The following PIK3C2G variants were observed in gnomAD, a reference collection of about 807,000 sequenced individuals.
The protein encoded by PIK3C2G is phosphatidylinositol 3-kinase C2 domain-containing subunit gamma.
Under a neutral mutation model 181.1 loss-of-function variants are expected in PIK3C2G, and 168 were observed. The ratio of observed to expected loss-of-function variants is 0.93; its 90% CI spans 0.82 to 1.05. PIK3C2G has a LOEUF of 1.05. Ranked by LOEUF, PIK3C2G falls within the 50% of genes least tolerant of loss-of-function variation. PIK3C2G has a pLI of 0.00. For missense variants in PIK3C2G, 1,869 were observed against 1,732.8 expected, an observed-to-expected ratio of 1.08 and a Z score of -1.40; for synonymous variants, 573 against 592.2, an observed-to-expected ratio of 0.97 and a Z score of 0.47.
rs111898340 is a variant in PIK3C2G at position 18,429,896 on chromosome 12, T to G, written c.2504+5857T>G. The stretch of plus-strand genomic sequence containing the variant: ...AAAATACGGCCCCTTCTCTGGAGAA[T>G]TAGCCTCTGATTCCACAGCCCCCTG... On this transcript the variant is annotated intron_variant, in intron 18 of 32. Transcript: ENST00000538779. 4.6e-5 allele frequency among the ~76,000 whole-genome samples: 7 copies of G among 152,286 alleles called. 1 individual carries two copies. The highest frequency in any genetic ancestry group is 1.7e-4 in the African/African-American group (7 of 41,548).
At position 18,532,547 on chromosome 12, in the gene PIK3C2G, G is replaced by T. The variant is rs115807718; in HGVS notation, c.3324-5609G>T. 7.4e-3 allele frequency among the ~76,000 whole-genome samples: 1,117 copies of T among 151,098 alleles called. 11 individuals carry two copies. Among genetic ancestry groups the T allele is most frequent in the African/African-American group, 0.026 (1,060 of 41,286 alleles). Reference sequence around the variant, plus strand: ...TATTTTTACATATGGGTGTCTAATTGTTCCAGTATCATCGGTTCAAGAGGC... The same window carrying T: ...TATTTTTACATATGGGTGTCTAATTTTTCCAGTATCATCGGTTCAAGAGGC... On this transcript the variant is annotated intron_variant, in intron 24 of 32. Transcript: ENST00000538779.
the PIK3C2G span, among the ~76,000 whole-genome samples, chr12:18,678,522 A>ACGCC: frequency 6.6e-6 from 1 of 151,788 alleles, no homozygotes; most frequent in African/African-American, 2.4e-5. Flanking sequence ...TCCATCCCTA[A>ACGCC]CGCCATTCAC....
At chr12:18,629,830 C>T (rs1356173587) in intron 31 of PIK3C2G, among the ~76,000 whole-genome samples, 2 of 152,068 alleles carry the variant, frequency 1.3e-5, no homozygotes, top group Non-Finnish European at 2.9e-5. Flanking sequence ...TTTCACTTTA[C>T]CCTATGATAG....
At chr12:18,300,578 T>C (rs889672421) in intron 5 of PIK3C2G, among the ~76,000 whole-genome samples, 1 of 152,108 alleles carries the variant, frequency 6.6e-6, no homozygotes, top group African/African-American at 2.4e-5. Context: ...AACCAATCTG[T>C]ATCTTTTAAG....
chr12:18,339,691 A>G (rs1339524047), intron 9 of PIK3C2G, among the ~76,000 whole-genome samples: 2 of 152,174 alleles, frequency 1.3e-5, no homozygotes, highest in Non-Finnish European at 2.9e-5. Flanking sequence ...ATAAGTGGGT[A>G]TGAAAATTCA....
intron 5 of PIK3C2G, among the ~76,000 whole-genome samples, chr12:18,297,381 G>C (rs2137254434): frequency 6.6e-6 from 1 of 152,046 alleles, no homozygotes; most frequent in South Asian, 2.1e-4. Context: ...CTCTACAGCT[G>C]TGGTTTCTTT....
the PIK3C2G span, among the ~76,000 whole-genome samples, chr12:18,708,153 A>G: frequency 3.3e-5 from 5 of 151,892 alleles, no homozygotes; most frequent in Admixed American, 1.3e-4. Flanking sequence ...CCTCTGACCT[A>G]CCTTTCTCCA....
At chr12:18,497,272 A>G (rs1941089880) in intron 21 of PIK3C2G, among the ~76,000 whole-genome samples, 1 of 152,172 alleles carries the variant, frequency 6.6e-6, no homozygotes, top group South Asian at 2.1e-4. Context: ...TCTCTTGGCT[A>G]AGTTTGAAAT....
chr12:18,305,558 A>T (rs11044017), intron 5 of PIK3C2G, among the ~76,000 whole-genome samples: 53,400 of 151,942 alleles, frequency 0.35, 9,765 homozygotes, highest in Non-Finnish European at 0.41. Context: ...AGAATTATTA[A>T]ATCTTCCTAA....
intron 24 of PIK3C2G, among the ~76,000 whole-genome samples, chr12:18,528,418 A>T (rs12319492): frequency 0.019 from 2,876 of 152,270 alleles, 107 homozygotes; most frequent in African/African-American, 0.065. Flanking sequence ...AATAGTTGAA[A>T]TTCAAAGAAT....
At chr12:18,374,658 G>T (rs1942311355) in intron 13 of PIK3C2G, among the ~76,000 whole-genome samples, 1 of 152,172 alleles carries the variant, frequency 6.6e-6, no homozygotes, top group African/African-American at 2.4e-5. Flanking sequence ...CCCTACAAGA[G>T]GGATATAATT....
chr12:18,436,778 G>A (rs1325023762), intron 18 of PIK3C2G, among the ~76,000 whole-genome samples: 1 of 151,986 alleles, frequency 6.6e-6, no homozygotes, highest in East Asian at 1.9e-4. Flanking sequence ...TGAGTTAAAT[G>A]ACTTACAGAA....
At chr12:18,375,589 A>T (rs1156348220) in intron 13 of PIK3C2G, among the ~76,000 whole-genome samples, 6 of 152,338 alleles carry the variant, frequency 3.9e-5, no homozygotes, top group African/African-American at 1.4e-4. Flanking sequence ...ATCAGGAGAG[A>T]AGTTGAAATG....
chr12:18,292,205 C>A (rs1310043534), intron 4 of PIK3C2G, among the ~76,000 whole-genome samples: 2 of 24,034 alleles, frequency 8.3e-5, no homozygotes, highest in Non-Finnish European at 7.6e-5. Flanking sequence ...AGCAAAACTC[C>A]ATCTCAAAAA....
intron 25 of PIK3C2G, among the ~76,000 whole-genome samples, chr12:18,540,632 A>G (rs1055382684): frequency 6.6e-6 from 1 of 151,934 alleles, no homozygotes; most frequent in Non-Finnish European, 1.5e-5. Context: ...GTATTAAAAT[A>G]ATTTATCATT....
intron 18 of PIK3C2G, among the ~76,000 whole-genome samples, chr12:18,456,600 G>T (rs1947643760): frequency 6.6e-6 from 1 of 152,136 alleles, no homozygotes; most frequent in African/African-American, 2.4e-5. Flanking sequence ...TACCTGGCCA[G>T]CACTATGTTA....
chr12:18,530,740 A>G (rs765507341), intron 24 of PIK3C2G, among the ~76,000 whole-genome samples: 6 of 152,078 alleles, frequency 3.9e-5, no homozygotes, highest in Non-Finnish European at 7.4e-5. Context: ...TCTCATGAGA[A>G]CTGGTTGTTT....
chr12:18,268,420 G>T lies in PIK3C2G; in HGVS notation c.-79+6843G>T, dbSNP rs1447030977. Among the ~76,000 whole-genome samples, 7 of 152,014 alleles carry T rather than the reference G, an allele frequency of 4.6e-5. No homozygotes were observed. In the East Asian group the frequency reaches 1.2e-3, roughly 25 times the overall value. ...TTATTATTATTATTCTAAGATTAGA[G>T]ATATCATTAAGGATATTATTTCCCG... On this transcript the variant is annotated intron_variant, in intron 1 of 32. Transcript: ENST00000538779.
intron 12 of PIK3C2G, among the ~76,000 whole-genome samples, chr12:18,370,386 A>G (rs1432620598): frequency 2.0e-5 from 3 of 152,144 alleles, no homozygotes; most frequent in Non-Finnish European, 4.4e-5. Flanking sequence ...TAATCCATCC[A>G]GGATCTGAGC....
Sources: allele counts gnomAD v4.1 joint callset (sites outside exome capture counted in the v4.1 genomes callset), GRCh38; gene constraint gnomAD v4.1.1; transcripts MANE v1.5; gene names NCBI Gene and HGNC (gene_info 2026-07-23, HGNC 2026-07-21).